Variants in GNB4 observed in about 807,000 individuals in gnomAD.
The protein encoded by GNB4 is G protein subunit beta 4, also known as guanine nucleotide-binding protein subunit beta-4.
GNB4 carries 28 observed loss-of-function variants against 45.2 expected under a neutral mutation model. The ratio of observed to expected loss-of-function variants is 0.62; its 90% CI spans 0.46 to 0.85. The LOEUF (loss-of-function observed/expected upper bound fraction) is 0.85, where lower values mean the gene tolerates loss of function less well. Among genes scored for constraint, GNB4 ranks in the 40% least tolerant of loss-of-function variants. The pLI is 0.00. For synonymous variants in GNB4, 132 were observed against 143.7 expected, an observed-to-expected ratio of 0.92 and a Z score of 0.58; for missense variants, 321 against 425.4, an observed-to-expected ratio of 0.75 and a Z score of 2.16.
chr3:179,502,788 T>C, the GNB4 span, among the ~76,000 whole-genome samples: 4 of 152,220 alleles, frequency 2.6e-5, no homozygotes, highest in Non-Finnish European at 5.9e-5. Flanking sequence ...GTCATTTAAA[T>C]CAGAGATTAA....
chr3:179,475,590 A>G, the GNB4 span, among the ~76,000 whole-genome samples: 1 of 152,022 alleles, frequency 6.6e-6, no homozygotes, highest in South Asian at 2.1e-4. Context: ...CTCCTGCCTC[A>G]GCCTCCTGAG....
In GNB4 at chr3:179,396,235, T is replaced by TTTAA. The variant is rs1714109845; in HGVS notation, c.*4974_*4977dup. ...GTCCATAGTTTATATGGTTTAGAGC[T>TTTAA]TTAAGAGCCTTAATCTAACACGTTT... is the stretch of plus-strand genomic sequence containing the variant. On this transcript the variant is annotated 3_prime_UTR_variant, in exon 10 of 10. Coordinates refer to ENST00000232564, the MANE Select transcript of GNB4 (RefSeq NM_021629.4). 6.6e-6 allele frequency: 1 copy of TTTAA among 152,196 alleles called. No individual in the cohort carries two copies. The highest frequency in any genetic ancestry group is 6.5e-5 in the Admixed American group (1 of 15,282). The allele number at this position is 152,196 out of a possible 1,614,324, so 9.4% of individuals were successfully genotyped here.
At chr3:179,443,890 C>CT (rs1386339053) in intron 1 of GNB4, among the ~76,000 whole-genome samples, 2 of 152,206 alleles carry the variant, frequency 1.3e-5, no homozygotes, top group African/African-American at 4.8e-5. Context: ...TTCAAAGGGT[C>CT]TTATCTCTAC....
intron 2 of GNB4, among the ~76,000 whole-genome samples, chr3:179,422,353 G>A (rs1037476951): frequency 4.6e-5 from 7 of 151,944 alleles, no homozygotes; most frequent in African/African-American, 1.2e-4. Flanking sequence ...AAGGCCAGGC[G>A]TGATGGCTCA....
chr3:179,502,193 C>T, the GNB4 span, among the ~76,000 whole-genome samples: 1 of 138,778 alleles, frequency 7.2e-6, no homozygotes, highest in Admixed American at 7.1e-5. Context: ...CCACATGTTT[C>T]TCTTGTAAAC....
Position 179,430,071 on chromosome 3 carries a change from GAGACAGACAGAC to G in GNB4, c.-42-3841_-42-3830del, listed in dbSNP as rs3086948. Among the ~76,000 whole-genome samples, 807 of 142,358 alleles carry G rather than the reference GAGACAGACAGAC, an allele frequency of 5.7e-3. 6 individuals carry two copies. The highest frequency in any genetic ancestry group is 0.017 in the African/African-American group (649 of 38,708). 93.4% of individuals were successfully genotyped at this position (142,358 alleles called of 152,430 possible). On this transcript the variant is annotated intron_variant, in intron 1 of 9. Coordinates refer to ENST00000232564, the MANE Select transcript of GNB4 (RefSeq NM_021629.4). Reference sequence around the variant, plus strand: ...CTTGTGTGTGTGTGTGACTGAGAGAGAGACAGACAGACAGACAGACAGACAGACAGACAGACA... The same window carrying G: ...CTTGTGTGTGTGTGTGACTGAGAGAGAGACAGACAGACAGACAGACAGACA...
chr3:179,467,279 C>T, the GNB4 span, among the ~76,000 whole-genome samples: 8 of 152,188 alleles, frequency 5.3e-5, no homozygotes, highest in South Asian at 1.5e-3. Context: ...TCCCAAGTAG[C>T]GGGATTACAG....
chr3:179,444,016 C>T (rs114447375), intron 1 of GNB4, among the ~76,000 whole-genome samples: 309 of 152,248 alleles, frequency 2.0e-3, no homozygotes, highest in African/African-American at 7.0e-3. Flanking sequence ...TCACATATAC[C>T]AAGACTGCTC....
intron 6 of GNB4, among the ~76,000 whole-genome samples, chr3:179,414,569 G>T (rs929056499): frequency 6.6e-6 from 1 of 152,154 alleles, no homozygotes; most frequent in Non-Finnish European, 1.5e-5. Context: ...GAGTACAGAT[G>T]CCACAATCCC....
the GNB4 span, among the ~76,000 whole-genome samples, chr3:179,507,708 G>A: frequency 2.4e-4 from 37 of 152,230 alleles, no homozygotes; most frequent in East Asian, 5.4e-3. Context: ...CCTCGGTGAA[G>A]TCCCCCTTGA....
chr3:179,527,758 A>G, the GNB4 span, among the ~76,000 whole-genome samples: 214 of 151,628 alleles, frequency 1.4e-3, no homozygotes, highest in African/African-American at 5.0e-3. Context: ...AGAGGAGGAT[A>G]GAAGATTGCT....
At chr3:179,466,350 A>G in the GNB4 span, among the ~76,000 whole-genome samples, 1 of 152,170 alleles carries the variant, frequency 6.6e-6, no homozygotes, top group Non-Finnish European at 1.5e-5. Flanking sequence ...GTGCCAAGCT[A>G]GGAGCTTAAT....
chr3:179,438,778 T>C (rs1715524021), intron 1 of GNB4, among the ~76,000 whole-genome samples: 1 of 152,040 alleles, frequency 6.6e-6, no homozygotes, highest in Non-Finnish European at 1.5e-5. Context: ...TATTGAGGGG[T>C]AGAGGAGAGT....
At chr3:179,414,275 G>C (rs1230641047) in intron 6 of GNB4, among the ~76,000 whole-genome samples, 2 of 152,118 alleles carry the variant, frequency 1.3e-5, no homozygotes, top group Non-Finnish European at 2.9e-5. Flanking sequence ...AAGACTTTAT[G>C]AAAGATGTGG....
chr3:179,476,509 A>G, the GNB4 span, among the ~76,000 whole-genome samples: 15 of 152,138 alleles, frequency 9.9e-5, no homozygotes, highest in Non-Finnish European at 2.1e-4. Context: ...CTCCACTCCC[A>G]TGGATCCACT....
chr3:179,462,706 C>T, the GNB4 span, among the ~76,000 whole-genome samples: 6 of 152,030 alleles, frequency 3.9e-5, no homozygotes, highest in Admixed American at 6.6e-5. Context: ...GGTGTGGTGG[C>T]GCACCCCTGT....
chr3:179,516,800 C>T, the GNB4 span, among the ~76,000 whole-genome samples: 5 of 151,898 alleles, frequency 3.3e-5, 1 homozygote, highest in African/African-American at 9.7e-5. Flanking sequence ...TGGGAGTGAC[C>T]GATGAGAAGG....
chr3:179,484,896 T>C, the GNB4 span, among the ~76,000 whole-genome samples: 16 of 151,530 alleles, frequency 1.1e-4, no homozygotes, highest in South Asian at 1.0e-3. Context: ...TAAACAAGGT[T>C]ATGTGTTGAT....
At chr3:179,511,970 T>G in the GNB4 span, among the ~76,000 whole-genome samples, 1 of 152,224 alleles carries the variant, frequency 6.6e-6, no homozygotes, top group Non-Finnish European at 1.5e-5. Context: ...AAATTAATTT[T>G]TAATTTGTTT....
Sources: allele counts gnomAD v4.1 joint callset (sites outside exome capture counted in the v4.1 genomes callset), GRCh38; gene constraint gnomAD v4.1.1; transcripts MANE v1.5; gene names NCBI Gene and HGNC (gene_info 2026-07-23, HGNC 2026-07-21).